CPEB1: variants seen among roughly 807,000 people sequenced by gnomAD.
The protein encoded by CPEB1 is cytoplasmic polyadenylation element-binding protein 1.
In CPEB1, 7 loss-of-function variants were observed where a neutral mutation model predicts 65.8. The ratio of observed to expected loss-of-function variants is 0.11; its 90% CI spans 0.06 to 0.20. CPEB1 has a LOEUF of 0.20. CPEB1 is among the 10% of genes least tolerant of loss of function. The pLI is 1.00. For missense variants in CPEB1, 551 were observed against 712.2 expected, an observed-to-expected ratio of 0.77 and a Z score of 2.58; for synonymous variants, 262 against 260.0, an observed-to-expected ratio of 1.01 and a Z score of -0.08.
chr15:82,578,263 G>A (rs747030768), intron 3 of CPEB1, among the ~76,000 whole-genome samples: 13 of 152,166 alleles, frequency 8.5e-5, no homozygotes, highest in African/African-American at 2.4e-4. Context: ...CTGGTTTTCC[G>A]TTCTTTCTTT....
intron 3 of CPEB1, among the ~76,000 whole-genome samples, chr15:82,581,917 C>G (rs763279309): frequency 1.3e-5 from 2 of 152,184 alleles, no homozygotes; most frequent in East Asian, 1.9e-4. Context: ...CCCATGACTA[C>G]AGAGACCAGT....
intron 11 of CPEB1, 92 bp downstream of exon 11, chr15:82,547,051 A>G (rs1176103527): frequency 8.4e-6 from 7 of 830,186 alleles, no homozygotes; most frequent in Non-Finnish European, 1.2e-5. Context: ...CACCCAGCAC[A>G]AACAGCTTCA....
intron 10 of CPEB1, chr15:82,548,863 A>T (rs552079517): frequency 2.9e-6 from 1 of 343,074 alleles, no homozygotes; most frequent in African/African-American, 2.2e-5. Context: ...TTAATCACAG[A>T]GGTCAGGCTC....
At chr15:82,643,766 G>C (rs1421733999) in intron 1 of CPEB1, among the ~76,000 whole-genome samples, 2 of 152,146 alleles carry the variant, frequency 1.3e-5, no homozygotes, top group Non-Finnish European at 2.9e-5. Flanking sequence ...TTCTGGGGCA[G>C]GGCTATTTTA....
chr15:82,572,739 G>C (rs2040209484), intron 3 of CPEB1, among the ~76,000 whole-genome samples: 1 of 152,176 alleles, frequency 6.6e-6, no homozygotes, highest in African/African-American at 2.4e-5. Context: ...GGAGCCCTGA[G>C]CATGATACAG....
intron 3 of CPEB1, among the ~76,000 whole-genome samples, chr15:82,604,200 C>T (rs570316191): frequency 1.9e-4 from 29 of 152,128 alleles, no homozygotes; most frequent in Middle Eastern, 3.4e-3. Flanking sequence ...AACAAAACAA[C>T]GGGCCAGGTG....
intron 3 of CPEB1, 80 bp from the exon 4 acceptor site, chr15:82,571,612 A>T: frequency 6.6e-7 from 1 of 1,514,500 alleles, no homozygotes; most frequent in Non-Finnish European, 8.8e-7. Context: ...AATATTATTA[A>T]TAATAGTTTC....
intron 3 of CPEB1, among the ~76,000 whole-genome samples, chr15:82,578,023 C>A (rs867588595): frequency 6.6e-6 from 1 of 152,108 alleles, no homozygotes; most frequent in Non-Finnish European, 1.5e-5. Context: ...GCCTGCAGTC[C>A]CAGCTAATCG....
intron 3 of CPEB1, among the ~76,000 whole-genome samples, chr15:82,582,827 C>T (rs894635717): frequency 2.0e-5 from 3 of 150,770 alleles, no homozygotes; most frequent in East Asian, 1.9e-4. Flanking sequence ...CCGCAAGCTC[C>T]GCCTCCCGGG....
chr15:82,634,253 A>C (rs1021580854), intron 1 of CPEB1, among the ~76,000 whole-genome samples: 1 of 151,648 alleles, frequency 6.6e-6, no homozygotes, highest in Non-Finnish European at 1.5e-5. Flanking sequence ...TCTGAACCAC[A>C]CTTTGTAGAT....
At chr15:82,617,794 C>A (rs552348086) in intron 3 of CPEB1, among the ~76,000 whole-genome samples, 3 of 115,306 alleles carry the variant, frequency 2.6e-5, no homozygotes, top group South Asian at 6.4e-4. Context: ...AGTGCAGTGG[C>A]GGGATCTCGG....
chr15:82,613,658 C>T (rs1039023771), intron 3 of CPEB1, among the ~76,000 whole-genome samples: 1 of 152,184 alleles, frequency 6.6e-6, no homozygotes, highest in African/African-American at 2.4e-5. Context: ...CTGCATCCTG[C>T]AGATTTTCTT....
chr15:82,606,587 G>A (rs2043625594), intron 3 of CPEB1, among the ~76,000 whole-genome samples: 1 of 47,572 alleles, frequency 2.1e-5, no homozygotes, highest in African/African-American at 9.4e-5. Flanking sequence ...GGGAGGCCGA[G>A]GCGGGCGGAT....
intron 3 of CPEB1, among the ~76,000 whole-genome samples, chr15:82,610,958 CAAAAAAAAAAAAAAAAAAAA>C (rs60065545): frequency 3.3e-5 from 1 of 30,020 alleles, no homozygotes; most frequent in Non-Finnish European, 5.6e-5. Context: ...ACTCCAGTCT[CAAAAAAAAAAAAAAAAAAAA>C]AAAAAAAAAA....
intron 3 of CPEB1, among the ~76,000 whole-genome samples, chr15:82,617,014 C>T (rs565150671): frequency 1.3e-5 from 2 of 152,306 alleles, no homozygotes; most frequent in Admixed American, 6.5e-5. Context: ...GACCACTTAT[C>T]GTCAAGTTCT....
chr15:82,577,081 A>G (rs2040731673), intron 3 of CPEB1, among the ~76,000 whole-genome samples: 3 of 152,228 alleles, frequency 2.0e-5, no homozygotes, highest in African/African-American at 7.2e-5. Flanking sequence ...TCTGTAAATA[A>G]AGTTAAATCT....
chr15:82,621,227 T>TA (rs1437950135), intron 3 of CPEB1, among the ~76,000 whole-genome samples: 1 of 151,966 alleles, frequency 6.6e-6, no homozygotes, highest in Non-Finnish European at 1.5e-5. Context: ...GTCATGCCAG[T>TA]AATCCCAGCA....
intron 1 of CPEB1, among the ~76,000 whole-genome samples, chr15:82,641,959 T>C (rs1401152719): frequency 6.6e-6 from 1 of 152,202 alleles, no homozygotes; most frequent in Non-Finnish European, 1.5e-5. Flanking sequence ...ACATCTACAA[T>C]GTGAATTTAG....
chr15:82,610,117 T>C (rs553319284), intron 3 of CPEB1, among the ~76,000 whole-genome samples: 9 of 145,794 alleles, frequency 6.2e-5, no homozygotes, highest in South Asian at 4.3e-4. Flanking sequence ...TTAGAAAACA[T>C]AGGTGAAATA....
Sources: gnomAD v4.1 joint callset for allele counts (sites outside exome capture counted in the v4.1 genomes callset) on GRCh38, gnomAD v4.1.1 for gene constraint, MANE v1.5 for transcripts, NCBI Gene and HGNC (gene_info 2026-07-23, HGNC 2026-07-21) for gene names.